The following CDH4 variants were observed in gnomAD, a reference collection of about 807,000 sequenced individuals.
CDH4 encodes the protein cadherin-4.
CDH4 carries 33 observed loss-of-function variants against 86.0 expected under a neutral mutation model. The ratio of observed to expected loss-of-function variants is 0.38; its 90% CI spans 0.29 to 0.51. The LOEUF is 0.51. Among genes scored for constraint, CDH4 ranks in the 20% least tolerant of loss-of-function variants. The probability of loss-of-function intolerance (pLI) is 0.86; values close to 1 mark genes in which losing one functional copy is unlikely to be tolerated. For missense variants in CDH4, 1,114 were observed against 1,307.4 expected, an observed-to-expected ratio of 0.85 and a Z score of 2.28; for synonymous variants, 555 against 549.4, an observed-to-expected ratio of 1.01 and a Z score of -0.14.
chr20:61,661,569 A>G (rs2087258247), intron 2 of CDH4, among the ~76,000 whole-genome samples: 1 of 146,218 alleles, frequency 6.8e-6, no homozygotes. Context: ...CCTACAGTTG[A>G]TGCCATCTGC....
chr20:61,920,616 A>C lies in CDH4; in HGVS notation c.1375-2835A>C, dbSNP rs552798407. 1.0e-4 allele frequency among the ~76,000 whole-genome samples: 13 copies of C among 129,954 alleles called. No individual in the cohort carries two copies. In the East Asian group the frequency reaches 2.9e-3, roughly 29 times the overall value. The allele number at this position is 129,954 out of a possible 152,430, so 85.3% of individuals were successfully genotyped here. On this transcript the variant is annotated intron_variant, in intron 9 of 15. Coordinates refer to ENST00000614565, the MANE Select transcript of CDH4 (RefSeq NM_001794.5). ...GGAAGCGTGGTGTCACAGTGATTGC[A>C]TGGAAGTGTGGTGTCACAGTGATTG...
chr20:61,612,455 C>T (rs1362138116), intron 2 of CDH4, among the ~76,000 whole-genome samples: 1 of 152,062 alleles, frequency 6.6e-6, no homozygotes, highest in Non-Finnish European at 1.5e-5. Flanking sequence ...GGGCATTCCT[C>T]CTTATCAGCA....
chr20:61,769,213 G>A (rs542270865), intron 3 of CDH4, among the ~76,000 whole-genome samples: 1 of 152,186 alleles, frequency 6.6e-6, no homozygotes, highest in Non-Finnish European at 1.5e-5. Flanking sequence ...GCTGGGAGAC[G>A]CCCTGTTCTC....
chr20:61,798,508 C>T (rs1042932602), intron 4 of CDH4, among the ~76,000 whole-genome samples: 3 of 152,202 alleles, frequency 2.0e-5, no homozygotes, highest in Non-Finnish European at 4.4e-5. Flanking sequence ...GGCGGGTGGG[C>T]CCCTCAGGAA....
At chr20:61,655,715 A>G (rs1231475542) in intron 2 of CDH4, among the ~76,000 whole-genome samples, 1 of 152,192 alleles carries the variant, frequency 6.6e-6, no homozygotes, top group African/African-American at 2.4e-5. Context: ...TCATTCATTC[A>G]TTCGTGGGCC....
chr20:61,581,401 G>C (rs1274684522), intron 2 of CDH4, among the ~76,000 whole-genome samples: 1 of 152,168 alleles, frequency 6.6e-6, no homozygotes, highest in Non-Finnish European at 1.5e-5. Context: ...GAGGACCCTG[G>C]AGAATTCATT....
intron 6 of CDH4, among the ~76,000 whole-genome samples, chr20:61,867,101 A>G (rs73307867): frequency 0.079 from 12,060 of 152,312 alleles, 1,308 homozygotes; most frequent in African/African-American, 0.25. Context: ...AGGTGCCCAC[A>G]CACACACAGC....
At chr20:61,482,620 C>T (rs906657202) in intron 2 of CDH4, among the ~76,000 whole-genome samples, 4 of 152,142 alleles carry the variant, frequency 2.6e-5, no homozygotes, top group Non-Finnish European at 5.9e-5. Context: ...TCTGCTGCAC[C>T]GCTTCTGCTG....
intron 2 of CDH4, among the ~76,000 whole-genome samples, chr20:61,328,610 C>G (rs943202911): frequency 6.6e-6 from 1 of 152,104 alleles, no homozygotes; most frequent in African/African-American, 2.4e-5. Flanking sequence ...ATGGCCAAAC[C>G]CCATCTTTAC....
chr20:61,539,069 G>A (rs879223808), intron 2 of CDH4, among the ~76,000 whole-genome samples: 8 of 152,284 alleles, frequency 5.3e-5, no homozygotes, highest in Admixed American at 2.0e-4. Context: ...CAGCAGATCC[G>A]CAGCGGGTCA....
intron 4 of CDH4, among the ~76,000 whole-genome samples, chr20:61,832,812 C>T (rs763561674): frequency 1.3e-5 from 2 of 152,204 alleles, no homozygotes; most frequent in Non-Finnish European, 2.9e-5. Context: ...CTGCCTGGCA[C>T]TGCAAACTAG....
intron 2 of CDH4, among the ~76,000 whole-genome samples, chr20:61,688,833 G>A (rs890520586): frequency 1.3e-5 from 2 of 152,256 alleles, no homozygotes; most frequent in African/African-American, 4.8e-5. Flanking sequence ...TTCACACACA[G>A]GAGTGTGCAA....
intron 2 of CDH4, among the ~76,000 whole-genome samples, chr20:61,332,919 C>CCCAG (rs1406316904): frequency 2.6e-5 from 4 of 152,218 alleles, no homozygotes; most frequent in Non-Finnish European, 5.9e-5. Context: ...CGGAGGCTGA[C>CCCAG]GCGCCCTTGC....
chr20:61,331,684 G>A (rs1206384256), intron 2 of CDH4, among the ~76,000 whole-genome samples: 446 of 54,964 alleles, frequency 8.1e-3, no homozygotes, highest in Middle Eastern at 0.022. Context: ...CTCCTGCCCC[G>A]GCCACCTGCC....
At chr20:61,296,054 A>T (rs1260646126) in intron 2 of CDH4, among the ~76,000 whole-genome samples, 1 of 152,126 alleles carries the variant, frequency 6.6e-6, no homozygotes, top group Non-Finnish European at 1.5e-5. Context: ...CCGAGCCAGG[A>T]CGGTGGGGCA....
At chr20:61,572,196 C>T (rs947219693) in intron 2 of CDH4, among the ~76,000 whole-genome samples, 18 of 152,288 alleles carry the variant, frequency 1.2e-4, no homozygotes, top group East Asian at 3.9e-4. Flanking sequence ...ATATCAGCTC[C>T]GTGTTAAGTC....
intron 2 of CDH4, among the ~76,000 whole-genome samples, chr20:61,612,721 C>T (rs1451609798): frequency 2.0e-5 from 3 of 152,148 alleles, no homozygotes; most frequent in Non-Finnish European, 2.9e-5. Flanking sequence ...TTTAAGGACT[C>T]TCTACCTAGC....
rs563106047 is a variant in CDH4 at position 61,593,995 on chromosome 20, AAT to A, written c.170-149566_170-149565del. Among the ~76,000 whole-genome samples the A allele has an allele frequency of 8.7e-3, 1,231 of 141,966 alleles. 18 individuals carry two copies. The highest frequency in any genetic ancestry group is 0.018 in the African/African-American group (690 of 37,326). The allele number at this position is 141,966 out of a possible 152,430, so 93.1% of individuals were successfully genotyped here. A position where few individuals can be genotyped will look rare whatever the true frequency, so the allele number is the denominator to read the frequency against. ...GATGAAATGCTGTGACGCATGAGGAAATACAGATTCAGAGGTGGGAGAGAGGG... is the reference window on the plus strand; with the variant it reads ...GATGAAATGCTGTGACGCATGAGGAAACAGATTCAGAGGTGGGAGAGAGGG... On this transcript the variant is annotated intron_variant, in intron 2 of 15. Transcript: ENST00000614565.
intron 2 of CDH4, among the ~76,000 whole-genome samples, chr20:61,440,881 G>C (rs2085311865): frequency 6.6e-6 from 1 of 152,182 alleles, no homozygotes; most frequent in East Asian, 1.9e-4. Flanking sequence ...CCCTCGCGGT[G>C]GTAAGTTCTG....
Sources: gnomAD v4.1 joint callset for allele counts (sites outside exome capture counted in the v4.1 genomes callset) on GRCh38, gnomAD v4.1.1 for gene constraint, MANE v1.5 for transcripts, NCBI Gene and HGNC (gene_info 2026-07-23, HGNC 2026-07-21) for gene names.